Variants in IL31RA observed in about 807,000 individuals in gnomAD.
IL31RA encodes interleukin 31 receptor A.
IL31RA carries 66 observed loss-of-function variants against 83.7 expected under a neutral mutation model. That is an observed-to-expected ratio of 0.79 (90% confidence interval 0.65 to 0.97). The LOEUF (loss-of-function observed/expected upper bound fraction) is 0.97, where lower values mean the gene tolerates loss of function less well. IL31RA is among the 50% of genes least tolerant of loss of function. The probability of loss-of-function intolerance (pLI) is 0.00; values close to 1 mark genes in which losing one functional copy is unlikely to be tolerated. For synonymous variants in IL31RA, 325 were observed against 329.0 expected, an observed-to-expected ratio of 0.99 and a Z score of 0.13; for missense variants, 798 against 919.4, an observed-to-expected ratio of 0.87 and a Z score of 1.71.
chr5:55,896,758 GCCTTC>G (rs1236731451), intron 7 of IL31RA, among the ~76,000 whole-genome samples: 1 of 34,674 alleles, frequency 2.9e-5, no homozygotes, highest in Non-Finnish European at 5.4e-5. Flanking sequence ...GCCTTGCCTT[GCCTTC>G]CCTTCCCTTC....
intron 1 of IL31RA, among the ~76,000 whole-genome samples, chr5:55,854,098 C>T (rs1332750792): frequency 3.3e-5 from 5 of 152,308 alleles, no homozygotes; most frequent in East Asian, 1.9e-4. Context: ...AAACCCTACA[C>T]GGATTTTTAG....
rs1172059863 is a variant in IL31RA, at chr5:55,919,661, CT to C, written c.*2544del. ...TGATCATTTTCCATGGTTTTATTAC[CT>C]TTGAGGGGTGGGAAGATGGTGGCTC... On this transcript the variant is annotated 3_prime_UTR_variant, in exon 15 of 15. Coordinates refer to ENST00000652347, the MANE Select transcript of IL31RA (RefSeq NM_139017.7). 6.6e-6 allele frequency among the ~76,000 whole-genome samples: 1 copy of C among 152,004 alleles called. No individual in the cohort carries two copies. Among genetic ancestry groups the C allele is most frequent in the Non-Finnish European group, 1.5e-5 (1 of 68,006 alleles).
rs778603381 is a variant in IL31RA, at chr5:55,900,084, G to A, written c.1021G>A (p.Gly341Arg). The A allele has an allele frequency of 1.9e-6, 3 of 1,614,090 alleles. No homozygotes were observed. Among genetic ancestry groups the A allele is most frequent in the East Asian group, 2.2e-5 (1 of 44,878 alleles). The change falls in exon 8 of 15, where the codon GGG becomes AGG. Residue 341 changes from glycine (G) to arginine (R), a missense_variant. Gly to Arg is a moderately radical substitution (Grantham distance 125). Transcript: ENST00000652347. ...GTCTATGATTTCTTATAATTCTCTTGGGAAGTCTCCAGTGGCCACCCTGAG... is the reference window on the plus strand; with the variant it reads ...GTCTATGATTTCTTATAATTCTCTTAGGAAGTCTCCAGTGGCCACCCTGAG... The part of the protein sequence containing the change: ...WVSMISYNSL[G>R]KSPVATLRIP...
chr5:55,849,855 C>T (rs1026400717), upstream of IL31RA, among the ~76,000 whole-genome samples: 13 of 152,102 alleles, frequency 8.5e-5, no homozygotes, highest in African/African-American at 2.9e-4. Flanking sequence ...GGCTTATGCT[C>T]TTGTTTTTGT....
In IL31RA at chr5:55,896,502, CTCCCTTCCA is replaced by C. The variant is rs1323736239; in HGVS notation, c.852+86_852+94del. Reference sequence around the variant, plus strand: ...CCTTTCCCTCCCTTCCCTCCCTTCCCTCCCTTCCATCCCTTCCATCCTCCTTCCCTTCCC... The same window carrying C: ...CCTTTCCCTCCCTTCCCTCCCTTCCCTCCCTTCCATCCTCCTTCCCTTCCC... On this transcript the variant is annotated intron_variant, in intron 7 of 14. Coordinates refer to ENST00000652347, the MANE Select transcript of IL31RA (RefSeq NM_139017.7). 5.0e-4 allele frequency: 478 copies of C among 950,062 alleles called. 1 individual carries two copies. In the East Asian group the frequency reaches 9.9e-3, roughly 20 times the overall value. The allele number at this position is 950,062 out of a possible 1,614,324, so 58.9% of individuals were successfully genotyped here. A position where few individuals can be genotyped will look rare whatever the true frequency, so the allele number is the denominator to read the frequency against.
At position 55,883,208 on chromosome 5, in the gene IL31RA, A is replaced by C; in HGVS notation, c.606+13A>C. The stretch of plus-strand genomic sequence containing the variant: ...CAGTACCAGCTGGGTAAGTTATGCC[A>C]TTATAATAATATTCCAATTAGAGGC... On this transcript the variant is annotated intron_variant, in intron 5 of 14. Coordinates refer to ENST00000652347, the MANE Select transcript of IL31RA (RefSeq NM_139017.7). 6.2e-7 allele frequency: 1 copy of C among 1,603,666 alleles called. No individual in the cohort carries two copies. Among genetic ancestry groups the C allele is most frequent in the Non-Finnish European group, 8.5e-7 (1 of 1,170,988 alleles).
At chr5:55,864,362 A>C (rs1745884674) in intron 2 of IL31RA, among the ~76,000 whole-genome samples, 1 of 149,982 alleles carries the variant, frequency 6.7e-6, no homozygotes, top group African/African-American at 2.5e-5. Flanking sequence ...CACACCACAC[A>C]CACTACACAC....
intron 4 of IL31RA, among the ~76,000 whole-genome samples, chr5:55,881,349 C>A (rs527371884): frequency 6.6e-6 from 1 of 151,496 alleles, no homozygotes; most frequent in African/African-American, 2.4e-5. Context: ...AGCTTTAGAG[C>A]AGGAATGGAA....
At chr5:55,883,361 T>A (rs1323513220) in intron 5 of IL31RA, among the ~76,000 whole-genome samples, 166 bp downstream of exon 5, 1 of 152,232 alleles carries the variant, frequency 6.6e-6, no homozygotes, top group Non-Finnish European at 1.5e-5. Context: ...CATCTGGACC[T>A]TTTAGATTGG....
chr5:55,886,018 A>T (rs1236137439), intron 5 of IL31RA, among the ~76,000 whole-genome samples: 1 of 152,174 alleles, frequency 6.6e-6, no homozygotes, highest in Non-Finnish European at 1.5e-5. Flanking sequence ...CCAGGACCAG[A>T]GTCCCTCTGG....
At chr5:55,908,951 A>C in intron 11 of IL31RA, 1 of 1,021,890 alleles carries the variant, frequency 9.8e-7, no homozygotes, top group African/African-American at 1.7e-5. Context: ...TGGCATTAGA[A>C]GCATTCACAA....
At chr5:55,848,045 A>G (rs1744975923), upstream of IL31RA, among the ~76,000 whole-genome samples, 2 of 152,218 alleles carry the variant, frequency 1.3e-5, no homozygotes, top group Admixed American at 1.3e-4. Flanking sequence ...GGTTATATCT[A>G]TATAACATCA....
intron 14 of IL31RA, among the ~76,000 whole-genome samples, chr5:55,916,080 G>A (rs1480243851): frequency 6.6e-6 from 1 of 152,202 alleles, no homozygotes; most frequent in Non-Finnish European, 1.5e-5. Flanking sequence ...CACTCTAGCA[G>A]AAGAAATTGT....
chr5:55,841,956 AT>A, the IL31RA span, among the ~76,000 whole-genome samples: 651 of 149,194 alleles, frequency 4.4e-3, no homozygotes, highest in Middle Eastern at 7.1e-3. Flanking sequence ...AAAAAAAAAA[AT>A]TTTTTTAAGA....
In IL31RA at chr5:55,922,373, T is replaced by G. The variant is rs1444187232; in HGVS notation, c.*5253T>G. On this transcript the variant is annotated 3_prime_UTR_variant, in exon 15 of 15. Coordinates refer to ENST00000652347, the MANE Select transcript of IL31RA (RefSeq NM_139017.7). ...GGCTGTTCAAGGGAAGTGAGATACT[T>G]GTACTATGCATTTCATTTTTAGGAC... 1 of 1,547,866 alleles carries G rather than the reference T, an allele frequency of 6.5e-7. No individual in the cohort carries two copies. The highest frequency in any genetic ancestry group is 8.7e-7 in the Non-Finnish European group (1 of 1,144,066).
At chr5:55,851,129 G>A (rs1019761633), upstream of IL31RA, among the ~76,000 whole-genome samples, 1 of 151,916 alleles carries the variant, frequency 6.6e-6, no homozygotes, top group Non-Finnish European at 1.5e-5. Context: ...AGAAAATACT[G>A]AATTATTCTC....
chr5:55,906,084 C>A (rs377298614), intron 8 of IL31RA, 22 bp from the exon 9 acceptor site: 1 of 1,612,824 alleles, frequency 6.2e-7, no homozygotes, highest in South Asian at 1.1e-5. Context: ...AGCTGTGAAG[C>A]AGTCCTTTTC....
Position 55,916,689 on chromosome 5 carries a change from GACAGGATCTTAAA to G in IL31RA, c.1867_1879del (p.Arg623HisfsTer10). 1 of 1,614,210 alleles carries G rather than the reference GACAGGATCTTAAA, an allele frequency of 6.2e-7. No homozygotes were observed. Among genetic ancestry groups the G allele is most frequent in the South Asian group, 1.1e-5 (1 of 91,074 alleles). On this transcript the variant is annotated frameshift_variant, in exon 15 of 15. Coordinates refer to ENST00000652347, the MANE Select transcript of IL31RA (RefSeq NM_139017.7). LOFTEE classifies it low-confidence loss of function (END_TRUNC). Reference sequence around the variant, plus strand: ...GTCTGATGACTCTGTGAACACAGAAGACAGGATCTTAAAACCATGTTCCACCCCCAGTGACAAG... The same window carrying G: ...GTCTGATGACTCTGTGAACACAGAAGACCATGTTCCACCCCCAGTGACAAG...
intron 4 of IL31RA, among the ~76,000 whole-genome samples, chr5:55,876,817 A>ACTT (rs1746879018): frequency 1.3e-5 from 2 of 152,028 alleles, no homozygotes; most frequent in Admixed American, 1.3e-4. Context: ...CTGGTCTTGA[A>ACTT]CTTCTGGCCT....
Sources: gnomAD v4.1 joint callset for allele counts (sites outside exome capture counted in the v4.1 genomes callset) on GRCh38, gnomAD v4.1.1 for gene constraint, MANE v1.5 for transcripts, NCBI Gene and HGNC (gene_info 2026-07-23, HGNC 2026-07-21) for gene names.